Variants in PMF1 observed in about 807,000 individuals in gnomAD.
PMF1 encodes the protein polyamine-modulated factor 1.
In PMF1, 21 loss-of-function variants were observed where a neutral mutation model predicts 26.7. That is an observed-to-expected ratio of 0.79 (90% CI 0.56 to 1.13). PMF1 has a LOEUF of 1.13. PMF1 is among the 50% of genes most tolerant of loss of function. The pLI, the probability that PMF1 is intolerant of heterozygous loss-of-function variation, is 0.00. For synonymous variants in PMF1, 105 were observed against 101.0 expected (o/e 1.04, Z -0.24); for missense variants, 266 against 254.9 (o/e 1.04, Z -0.30).
intron 1 of PMF1, among the ~76,000 whole-genome samples, chr1:156,229,811 G>A (rs955508963): frequency 3.9e-5 from 6 of 152,122 alleles, no homozygotes; most frequent in Non-Finnish European, 5.9e-5. Context: ...AACGTCAGGT[G>A]ATCCACCGGT....
At chr1:156,228,287 T>TTTTTTTA (rs1474479760) in intron 1 of PMF1, among the ~76,000 whole-genome samples, 1 of 147,628 alleles carries the variant, frequency 6.8e-6, no homozygotes, top group African/African-American at 2.5e-5. Context: ...TTTTTTTTTT[T>TTTTTTTA]TAGTGTATCA....
In PMF1 at chr1:156,228,256, ATTTTTTTTT is replaced by A. The variant is rs772709878; in HGVS notation, c.162-4040_162-4032del. Among the ~76,000 whole-genome samples the A allele has an allele frequency of 3.0e-4, 10 of 33,566 alleles. No individual in the cohort carries two copies. In the South Asian group the frequency reaches 4.0e-3, roughly 13 times the overall value. The allele number at this position is 33,566 out of a possible 152,430, so 22.0% of individuals were successfully genotyped here. A position where few individuals can be genotyped will look rare whatever the true frequency, so the allele number is the denominator to read the frequency against. On this transcript the variant is annotated intron_variant, in intron 1 of 4. Transcript: ENST00000368277. ...CAGGCGTGAGCCACCGCACCTGGCG[ATTTTTTTTT>A]TTTTTTTTTTTTTTTTTTTTTTTAG... is the stretch of plus-strand genomic sequence containing the variant.
At chr1:156,238,181 G>GC (rs536326122) in intron 4 of PMF1, among the ~76,000 whole-genome samples, 8 of 152,302 alleles carry the variant, frequency 5.3e-5, no homozygotes, top group Non-Finnish European at 1.0e-4. Flanking sequence ...GGTTACTAGA[G>GC]CCTTGTACAA....
chr1:156,237,864 C>A (rs1208265198), intron 4 of PMF1, among the ~76,000 whole-genome samples: 1 of 152,044 alleles, frequency 6.6e-6, no homozygotes, highest in Non-Finnish European at 1.5e-5. Context: ...TCAAGTGATT[C>A]TCCTGCTTCA....
chr1:156,225,770 A>G (rs1029106302), intron 1 of PMF1: 3 of 491,872 alleles, frequency 6.1e-6, no homozygotes, highest in African/African-American at 1.9e-5. Context: ...ATTTATCTGC[A>G]TATGTAAACC....
intron 1 of PMF1, among the ~76,000 whole-genome samples, chr1:156,228,001 C>G (rs1370191500): frequency 2.2e-5 from 3 of 138,512 alleles, no homozygotes; most frequent in African/African-American, 8.2e-5. Flanking sequence ...ATGGCATGAT[C>G]TCAGCTCACT....
chr1:156,230,536 G>A (rs1211533601), intron 1 of PMF1, among the ~76,000 whole-genome samples: 1 of 150,742 alleles, frequency 6.6e-6, no homozygotes, highest in Non-Finnish European at 1.5e-5. Context: ...CAGACACTCA[G>A]TGAATATTTG....
In PMF1 at chr1:156,239,675, G is replaced by A; in HGVS notation, c.*74G>A. ...TGGTCCAGCATGCCTGGCCTGGGCG[G>A]GCTACCTCTGAGAACGGCTGAAATG... On this transcript the variant is annotated 3_prime_UTR_variant, in exon 5 of 5. Coordinates refer to ENST00000368277, the MANE Select transcript of PMF1 (RefSeq NM_007221.4). 7.8e-7 allele frequency: 1 copy of A among 1,286,248 alleles called. No individual in the cohort carries two copies. 79.7% of individuals were successfully genotyped at this position (1,286,248 alleles called of 1,614,324 possible).
At chr1:156,233,835 C>T in intron 3 of PMF1, 107 bp downstream of exon 3, 1 of 1,085,714 alleles carries the variant, frequency 9.2e-7, no homozygotes, top group Non-Finnish European at 1.3e-6. Context: ...AGGCTGGTCA[C>T]AAACTCCTGG....
chr1:156,214,806 C>T (rs748614650), intron 1 of PMF1, among the ~76,000 whole-genome samples: 2 of 151,110 alleles, frequency 1.3e-5, no homozygotes, highest in Non-Finnish European at 2.9e-5. Flanking sequence ...ATGCTTGGGG[C>T]GCCCATTCTG....
intron 1 of PMF1, among the ~76,000 whole-genome samples, chr1:156,214,503 A>G (rs994654595): frequency 2.0e-5 from 3 of 152,212 alleles, no homozygotes; most frequent in Admixed American, 6.5e-5. Flanking sequence ...CATGAGGCAG[A>G]CAAGGCCTCT....
intron 1 of PMF1, chr1:156,220,552 C>G (rs967391013): frequency 5.3e-5 from 8 of 152,050 alleles, no homozygotes; most frequent in Non-Finnish European, 1.0e-4. Flanking sequence ...ATTCCGCCAC[C>G]CTTCCTTTAA....
rs144451147 is a variant in PMF1 at position 156,230,398 on chromosome 1, A to G, written c.162-1922A>G. Among the ~76,000 whole-genome samples the G allele has an allele frequency of 2.8e-3, 429 of 152,284 alleles. 4 individuals are homozygous for G. The highest frequency in any genetic ancestry group is 9.7e-3 in the African/African-American group (403 of 41,562). On this transcript the variant is annotated intron_variant, in intron 1 of 4. Coordinates refer to ENST00000368277, the MANE Select transcript of PMF1 (RefSeq NM_007221.4). ...TCTTTTAAACCACTCTCTACAAGAG[A>G]TGATTATCACTTGCATGTGAGTTTC... is the stretch of plus-strand genomic sequence containing the variant.
intron 1 of PMF1, among the ~76,000 whole-genome samples, chr1:156,216,061 A>G (rs543625361): frequency 2.6e-5 from 4 of 152,192 alleles, no homozygotes; most frequent in Admixed American, 6.5e-5. Context: ...CAAGGTTCCA[A>G]TCTTCTTGGA....
intron 1 of PMF1, 50 bp from the exon 2 acceptor site, chr1:156,232,270 C>A: frequency 6.4e-7 from 1 of 1,566,538 alleles, no homozygotes; most frequent in Non-Finnish European, 8.8e-7. Flanking sequence ...AGGCTGATGG[C>A]CGGCCTCATG....
chr1:156,228,123 T>C (rs1658475625), intron 1 of PMF1, among the ~76,000 whole-genome samples: 1 of 151,476 alleles, frequency 6.6e-6, no homozygotes, highest in Non-Finnish European at 1.5e-5. Context: ...TTAGTAAAGA[T>C]AGGGTTTCAT....
chr1:156,216,398 T>TAAATA (rs1476827658), intron 1 of PMF1, among the ~76,000 whole-genome samples: 2 of 151,920 alleles, frequency 1.3e-5, no homozygotes, highest in South Asian at 2.1e-4. Context: ...CTCAAAAAAA[T>TAAATA]AAATAAAATA....
At chr1:156,219,459 A>G (rs1336532260) in intron 1 of PMF1, among the ~76,000 whole-genome samples, 1 of 152,202 alleles carries the variant, frequency 6.6e-6, no homozygotes, top group Non-Finnish European at 1.5e-5. Context: ...GCCAGCTCCT[A>G]GCCCACTATG....
At chr1:156,230,981 C>T (rs1195023403) in intron 1 of PMF1, among the ~76,000 whole-genome samples, 9 of 151,710 alleles carry the variant, frequency 5.9e-5, no homozygotes, top group Non-Finnish European at 1.0e-4. Context: ...TTTGGGAGGC[C>T]GAGATGGGCG....
Sources: allele counts gnomAD v4.1 joint callset (sites outside exome capture counted in the v4.1 genomes callset), GRCh38; gene constraint gnomAD v4.1.1; transcripts MANE v1.5; gene names NCBI Gene and HGNC (gene_info 2026-07-23, HGNC 2026-07-21).